DYNC1H1: variants seen among roughly 807,000 people sequenced by gnomAD.
DYNC1H1 encodes the protein cytoplasmic dynein 1 heavy chain 1.
In DYNC1H1, 51 loss-of-function variants were observed where a neutral mutation model predicts 527.1. The observed-to-expected ratio is 0.10, with a 90% confidence interval of 0.08 to 0.12. The LOEUF (loss-of-function observed/expected upper bound fraction) is 0.12, where lower values mean the gene tolerates loss of function less well. Ranked by LOEUF, DYNC1H1 falls within the 10% of genes least tolerant of loss-of-function variation. The pLI is 1.00. For missense variants in DYNC1H1, 2,771 were observed against 5,971.8 expected (o/e 0.46, Z 17.66); for synonymous variants, 2,189 against 2,278.8 (o/e 0.96, Z 1.12).
intron 10 of DYNC1H1, among the ~76,000 whole-genome samples, chr14:101,990,524 GTAGT>G (rs1567000859): frequency 1.3e-5 from 2 of 152,178 alleles, no homozygotes; most frequent in African/African-American, 4.8e-5. Flanking sequence ...GACAGACATT[GTAGT>G]TCAGACTGAA....
chr14:102,052,381 C>T lies in DYNC1H1; in HGVS notation c.*1818C>T, dbSNP rs555586848. 1.4e-4 allele frequency: 21 copies of T among 152,508 alleles called. No individual in the cohort carries two copies. Among genetic ancestry groups the T allele is most frequent in the Admixed American group, 1.2e-3 (18 of 15,306 alleles). 9.4% of individuals were successfully genotyped at this position (152,508 alleles called of 1,614,324 possible). A position where few individuals can be genotyped will look rare whatever the true frequency, so the allele number is the denominator to read the frequency against. ...CTCCTGAGCTCAAGTGGTCCTCCCA[C>T]CTTGGCCTCCCAAAATGCTGGGATT... On this transcript the variant is annotated 3_prime_UTR_variant, in exon 78 of 78. Coordinates refer to ENST00000360184, the MANE Select transcript of DYNC1H1 (RefSeq NM_001376.5).
intron 29 of DYNC1H1, 101 bp downstream of exon 29, chr14:102,008,438 G>A (rs2048221893): frequency 7.0e-7 from 1 of 1,431,878 alleles, no homozygotes; most frequent in Non-Finnish European, 9.5e-7. Flanking sequence ...CAAGAATTTA[G>A]CTCACAGGAG....
In DYNC1H1 at chr14:102,034,789, G is replaced by A. The variant is rs1420335841; in HGVS notation, c.10754+337G>A. Reference sequence around the variant, plus strand: ...AAATACAAAAAAATTAGCCAGGCGTGGTGGCATGCGCCTGTAATCCCAGTT... The same window carrying A: ...AAATACAAAAAAATTAGCCAGGCGTAGTGGCATGCGCCTGTAATCCCAGTT... On this transcript the variant is annotated intron_variant, in intron 56 of 77. Transcript: ENST00000360184. 7.7e-6 allele frequency: 3 copies of A among 389,054 alleles called. No homozygotes were observed. In the Admixed American group the frequency reaches 1.1e-4, roughly 14 times the overall value. 24.1% of individuals were successfully genotyped at this position (389,054 alleles called of 1,614,324 possible). A position where few individuals can be genotyped will look rare whatever the true frequency, so the allele number is the denominator to read the frequency against.
intron 9 of DYNC1H1, 68 bp downstream of exon 9, chr14:101,987,700 T>C: frequency 6.4e-7 from 1 of 1,572,880 alleles, no homozygotes. Context: ...AGCTTATTAG[T>C]TTGTCACTAA....
chr14:101,969,184 AT>A (rs33934050), intron 1 of DYNC1H1, among the ~76,000 whole-genome samples: 25,241 of 139,072 alleles, frequency 0.18, 2,668 homozygotes, highest in African/African-American at 0.32. Context: ...CACCTGGTTA[AT>A]TTTTTTTTTT....
rs2048371376 is a variant in DYNC1H1, at chr14:102,020,415, A to C, written c.8507+359A>C. 6.6e-6 allele frequency among the ~76,000 whole-genome samples: 1 copy of C among 152,150 alleles called. No individual in the cohort carries two copies. Among genetic ancestry groups the C allele is most frequent in the African/African-American group, 2.4e-5 (1 of 41,440 alleles). Reference sequence around the variant, plus strand: ...TTTTAAACTGTCAGGTGGGACCACAAAAGGTAGCAGCTGCCTGTGATAACC... The same window carrying C: ...TTTTAAACTGTCAGGTGGGACCACACAAGGTAGCAGCTGCCTGTGATAACC... On this transcript the variant is annotated intron_variant, in intron 42 of 77. Coordinates refer to ENST00000360184, the MANE Select transcript of DYNC1H1 (RefSeq NM_001376.5). This position sits in a 1 kb window ranked among gnomAD's most constrained non-coding sequence, Gnocchi z 4.3.
In DYNC1H1 at chr14:102,033,785, A is replaced by G. The variant is rs1341382247; in HGVS notation, c.10414-191A>G. ...TCCGTACCCAGCTTCTGCCCCGCTG[A>G]GATTCTGAGTCGTGTGTGGTCATTA... is the stretch of plus-strand genomic sequence containing the variant. On this transcript the variant is annotated intron_variant, in intron 54 of 77. Coordinates refer to ENST00000360184, the MANE Select transcript of DYNC1H1 (RefSeq NM_001376.5). This position sits in a 1 kb window ranked among gnomAD's most constrained non-coding sequence, Gnocchi z 5.6. 2.8e-6 allele frequency: 2 copies of G among 715,078 alleles called. No individual in the cohort carries two copies. The highest frequency in any genetic ancestry group is 3.5e-5 in the African/African-American group (2 of 56,860). The allele number at this position is 715,078 out of a possible 1,614,324, so 44.3% of individuals were successfully genotyped here. A position where few individuals can be genotyped will look rare whatever the true frequency, so the allele number is the denominator to read the frequency against.
intron 1 of DYNC1H1, among the ~76,000 whole-genome samples, chr14:101,966,430 ACT>A (rs1011962832): frequency 1.5e-4 from 22 of 150,346 alleles, no homozygotes; most frequent in Admixed American, 2.7e-4. Context: ...AAATTTATCT[ACT>A]CTTTTTTTTT....
At chr14:101,989,501 C>A (rs1169569052) in intron 10 of DYNC1H1, among the ~76,000 whole-genome samples, 1 of 152,128 alleles carries the variant, frequency 6.6e-6, no homozygotes, top group Non-Finnish European at 1.5e-5. Flanking sequence ...GTAAGTAGGC[C>A]CTATCTGCTG....
At position 101,986,741 on chromosome 14, in the gene DYNC1H1, C is replaced by G. The variant is rs1176442421; in HGVS notation, c.2516C>G (p.Thr839Ser). ...LDPYVQRLAETVFNFQEKVDD... is the reference protein window; with the variant it reads ...LDPYVQRLAESVFNFQEKVDD... ...CCATATGTACAGCGCTTAGCAGAGACTGTCTTCAACTTCCAAGAAAAGGTA... is the reference window on the plus strand; with the variant it reads ...CCATATGTACAGCGCTTAGCAGAGAGTGTCTTCAACTTCCAAGAAAAGGTA... The change falls in exon 8 of 78, where the codon ACT becomes AGT. Residue 839 changes from threonine to serine, a missense_variant. Transcript: ENST00000360184. The surrounding 1 kb of genome is among the most constrained non-coding windows in gnomAD (Gnocchi z 8.7). 6.2e-7 allele frequency: 1 copy of G among 1,614,246 alleles called. No individual in the cohort carries two copies. The highest frequency in any genetic ancestry group is 8.5e-7 in the Non-Finnish European group (1 of 1,180,056).
At chr14:102,045,150 A>G (rs1246099724) in intron 72 of DYNC1H1, 1 of 232,790 alleles carries the variant, frequency 4.3e-6, no homozygotes, top group African/African-American at 2.3e-5. Flanking sequence ...TAAAAATACA[A>G]AAATTAGGTG....
intron 1 of DYNC1H1, among the ~76,000 whole-genome samples, chr14:101,970,069 TA>T (rs1213808389): frequency 6.6e-6 from 1 of 152,252 alleles, no homozygotes; most frequent in Non-Finnish European, 1.5e-5. Flanking sequence ...TACCAAGTCT[TA>T]AGTTCCTTTA....
intron 1 of DYNC1H1, among the ~76,000 whole-genome samples, chr14:101,970,872 AAAGGAGATG>A (rs2047729564): frequency 6.6e-6 from 1 of 152,144 alleles, no homozygotes; most frequent in African/African-American, 2.4e-5. Flanking sequence ...TATGCGGGCC[AAAGGAGATG>A]AATGGCTTTG....
In DYNC1H1 at chr14:102,045,328, A is replaced by G. The variant is rs543795410; in HGVS notation, c.13006+630A>G. 1.6e-4 allele frequency: 25 copies of G among 154,252 alleles called. No homozygotes were observed. In the East Asian group the frequency reaches 4.9e-3, roughly 30 times the overall value. 9.6% of individuals were successfully genotyped at this position (154,252 alleles called of 1,614,324 possible). On this transcript the variant is annotated intron_variant, in intron 72 of 77. Transcript: ENST00000360184. ...AAAAAAAAAAAAAAAAGCCGGGCGCAGTGGCTCACGCCTATAATCCCACTA... is the reference window on the plus strand; with the variant it reads ...AAAAAAAAAAAAAAAAGCCGGGCGCGGTGGCTCACGCCTATAATCCCACTA...
chr14:101,980,081 G>A (rs2047845914), intron 4 of DYNC1H1, 107 bp downstream of exon 4: 1 of 1,534,158 alleles, frequency 6.5e-7, no homozygotes, highest in Admixed American at 1.8e-5. Context: ...TAACTTGTTA[G>A]TGGTGCCGCC....
In DYNC1H1 at chr14:102,039,281, G is replaced by A. The variant is rs749155547; in HGVS notation, c.11460+27G>A. On this transcript the variant is annotated intron_variant, in intron 60 of 77. Coordinates refer to ENST00000360184, the MANE Select transcript of DYNC1H1 (RefSeq NM_001376.5). This position sits in a 1 kb window ranked among gnomAD's most constrained non-coding sequence, Gnocchi z 7.0. ...TGGGTGCCTTGGCCATGCAGAGACT[G>A]GCGGGCCCCGCACAGTAGCTCCTTG... 2.5e-6 allele frequency: 4 copies of A among 1,611,732 alleles called. No homozygotes were observed. The African/African-American group carries it at 4.0e-5, about 16-fold the overall frequency.
At position 102,038,236 on chromosome 14, in the gene DYNC1H1, C is replaced by T; in HGVS notation, c.10909-224C>T. 3.1e-6 allele frequency: 2 copies of T among 652,860 alleles called. No homozygotes were observed. The highest frequency in any genetic ancestry group is 5.2e-6 in the Non-Finnish European group (2 of 381,596). 40.4% of individuals were successfully genotyped at this position (652,860 alleles called of 1,614,324 possible). A position where few individuals can be genotyped will look rare whatever the true frequency, so the allele number is the denominator to read the frequency against. ...TCAAGTGATCTGCCTGCCTCAGCCT[C>T]CCAAAGTGCTGGAATTACAGGCGTG... On this transcript the variant is annotated intron_variant, in intron 57 of 77. Transcript: ENST00000360184. The surrounding 1 kb of genome is among the most constrained non-coding windows in gnomAD (Gnocchi z 7.2).
Position 102,042,862 on chromosome 14 carries a change from C to G in DYNC1H1, c.12513+114C>G, listed in dbSNP as rs1240928029. The G allele has an allele frequency of 8.1e-7, 1 of 1,237,170 alleles. No homozygotes were observed. The highest frequency in any genetic ancestry group is 1.2e-6 in the Non-Finnish European group (1 of 863,798). The allele number at this position is 1,237,170 out of a possible 1,614,324, so 76.6% of individuals were successfully genotyped here. A position where few individuals can be genotyped will look rare whatever the true frequency, so the allele number is the denominator to read the frequency against. On this transcript the variant is annotated intron_variant, in intron 69 of 77. Coordinates refer to ENST00000360184, the MANE Select transcript of DYNC1H1 (RefSeq NM_001376.5). The surrounding 1 kb of genome is among the most constrained non-coding windows in gnomAD (Gnocchi z 5.7). ...CGGAAGTGCCGTGTGGTGAACTGCA[C>G]AGCTGCTTTTGCTTTTCAGCTGTAG...
In DYNC1H1 at chr14:101,964,836, C is replaced by G. The variant is rs1402375700; in HGVS notation, c.145C>G (p.Pro49Ala). The change falls in exon 1 of 78, where the codon CCG becomes GCG. Residue 49 changes from proline to alanine, a missense_variant. Physicochemically the swap from Pro to Ala is conservative, Grantham distance 27. Transcript: ENST00000360184. The surrounding 1 kb of genome is among the most constrained non-coding windows in gnomAD (Gnocchi z 5.5). ...GCTGCTGGAGGACGGCGGCGAGGCG[C>G]CGGCCGCGCTGGAGGCGGCGCTGGA... ...PLLLEDGGEA[P>A]AALEAALEEK... 4 of 1,600,302 alleles carry G rather than the reference C, an allele frequency of 2.5e-6. No homozygotes were observed. The highest frequency in any genetic ancestry group is 3.4e-6 in the Non-Finnish European group (4 of 1,174,512).
Sources: gnomAD v4.1 joint callset for allele counts (sites outside exome capture counted in the v4.1 genomes callset) on GRCh38, gnomAD v4.1.1 for gene constraint, Gnocchi (gnomAD v3.1) non-coding constraint, MANE v1.5 for transcripts, NCBI Gene and HGNC (gene_info 2026-07-23, HGNC 2026-07-21) for gene names.